Variants in DYNC1I1 observed in about 807,000 individuals in gnomAD.
DYNC1I1 encodes cytoplasmic dynein 1 intermediate chain 1.
In DYNC1I1, 43 loss-of-function variants were observed where a neutral mutation model predicts 86.6. The observed-to-expected ratio is 0.50, with a 90% CI of 0.39 to 0.64. The LOEUF (loss-of-function observed/expected upper bound fraction) is 0.64. DYNC1I1 is among the 30% of genes least tolerant of loss of function. The pLI is 0.00. For missense variants in DYNC1I1, 604 were observed against 788.8 expected (o/e 0.77, Z 2.81); for synonymous variants, 262 against 283.7 (o/e 0.92, Z 0.77).
chr7:95,799,187 G>C (rs1794517734), intron 1 of DYNC1I1, among the ~76,000 whole-genome samples: 1 of 152,088 alleles, frequency 6.6e-6, no homozygotes, highest in South Asian at 2.1e-4. Context: ...AGACCAGCCT[G>C]GCCAACATGG....
rs753791899 is a variant in DYNC1I1, at chr7:96,061,710, T to TCA, written c.1510-14346_1510-14345insAC. On this transcript the variant is annotated intron_variant, in intron 14 of 16. Coordinates refer to ENST00000447467, the MANE Select transcript of DYNC1I1 (RefSeq NM_001135556.2). ...CCCTCCCTCCCTCTCTCTCTCTCTC[T>TCA]CTCACACACACACACACACACACAC... is the stretch of plus-strand genomic sequence containing the variant. 7.7e-3 allele frequency among the ~76,000 whole-genome samples: 863 copies of TCA among 112,610 alleles called. 4 individuals are homozygous for TCA. Among genetic ancestry groups the TCA allele is most frequent in the East Asian group, 0.022 (78 of 3,516 alleles). 73.9% of individuals were successfully genotyped at this position (112,610 alleles called of 152,430 possible).
Position 96,035,609 on chromosome 7 carries a change from GT to G in DYNC1I1, c.1231-6del. The G allele has an allele frequency of 6.4e-7, 1 of 1,568,352 alleles. No homozygotes were observed. Among genetic ancestry groups the G allele is most frequent in the African/African-American group, 1.4e-5 (1 of 72,570 alleles). On this transcript the variant is annotated splice_polypyrimidine_tract_variant and intron_variant, in intron 12 of 16. Coordinates refer to ENST00000447467, the MANE Select transcript of DYNC1I1 (RefSeq NM_001135556.2). The stretch of plus-strand genomic sequence containing the variant: ...ACAGATGGAAATGTAACCACACCGT[GT>G]TTTGGTAGGAGAGCATGGAGCTGGT...
chr7:96,009,865 C>T (rs923712235), intron 10 of DYNC1I1, among the ~76,000 whole-genome samples: 6 of 151,896 alleles, frequency 4.0e-5, no homozygotes, highest in Non-Finnish European at 5.9e-5. Context: ...CCACAACCTC[C>T]GCCTCTCGGG....
intron 1 of DYNC1I1, among the ~76,000 whole-genome samples, chr7:95,799,764 T>C (rs2115768331): frequency 6.6e-6 from 1 of 152,186 alleles, no homozygotes; most frequent in African/African-American, 2.4e-5. Context: ...CAGATTGGAT[T>C]TCCTTACTTT....
In DYNC1I1 at chr7:95,932,408, C is replaced by T. The variant is rs1283548665; in HGVS notation, c.491-45104C>T. On this transcript the variant is annotated intron_variant, in intron 6 of 16. Transcript: ENST00000447467. Reference sequence around the variant, plus strand: ...CAGGGACTTCAAACATGACAGTGGGCATTATTCAGAATGGACATTTTATGC... The same window carrying T: ...CAGGGACTTCAAACATGACAGTGGGTATTATTCAGAATGGACATTTTATGC... Among the ~76,000 whole-genome samples, 4 of 152,090 alleles carry T rather than the reference C, an allele frequency of 2.6e-5. No homozygotes were observed. In the East Asian group the frequency reaches 7.7e-4, roughly 29 times the overall value.
intron 6 of DYNC1I1, among the ~76,000 whole-genome samples, chr7:95,875,640 T>A (rs1372604887): frequency 1.3e-5 from 2 of 152,120 alleles, no homozygotes; most frequent in Admixed American, 1.3e-4. Context: ...ATGGCCTTGG[T>A]GGAGATAGGG....
At chr7:95,905,840 C>A (rs1405926749) in intron 6 of DYNC1I1, among the ~76,000 whole-genome samples, 2 of 152,092 alleles carry the variant, frequency 1.3e-5, no homozygotes, top group Non-Finnish European at 2.9e-5. Flanking sequence ...ATAAAAGTAG[C>A]TCTCTCTCAT....
intron 3 of DYNC1I1, 139 bp downstream of exon 3, chr7:95,810,645 G>T: frequency 1.4e-6 from 1 of 713,850 alleles, no homozygotes; most frequent in Non-Finnish European, 2.1e-6. Flanking sequence ...TTATGGTTCA[G>T]GTTGCATGTG....
intron 5 of DYNC1I1, among the ~76,000 whole-genome samples, chr7:95,853,684 T>C (rs1484005457): frequency 6.6e-6 from 1 of 152,204 alleles, no homozygotes; most frequent in African/African-American, 2.4e-5. Flanking sequence ...ATTTGGTCTA[T>C]TGTGTAATTT....
intron 5 of DYNC1I1, among the ~76,000 whole-genome samples, chr7:95,838,749 C>T (rs1213640955): frequency 6.6e-6 from 1 of 151,774 alleles, no homozygotes; most frequent in Non-Finnish European, 1.5e-5. Flanking sequence ...AGATTTTTCA[C>T]CTTGGTTAAA....
intron 1 of DYNC1I1, 124 bp from the exon 2 acceptor site, chr7:95,804,597 C>T: frequency 9.0e-7 from 1 of 1,113,220 alleles, no homozygotes; most frequent in Non-Finnish European, 1.2e-6. Context: ...CTAAATAATA[C>T]AACCTCTTGT....
intron 10 of DYNC1I1, among the ~76,000 whole-genome samples, chr7:96,025,664 T>C (rs932724237): frequency 2.6e-5 from 4 of 152,138 alleles, no homozygotes; most frequent in Admixed American, 2.6e-4. Context: ...GTGGTAAGTG[T>C]TGGATGAATG....
intron 12 of DYNC1I1, among the ~76,000 whole-genome samples, chr7:96,033,888 T>C (rs937816349): frequency 6.6e-6 from 1 of 152,092 alleles, no homozygotes; most frequent in Non-Finnish European, 1.5e-5. Flanking sequence ...CACATGTCTG[T>C]AGTCCATGTT....
chr7:95,798,287 C>T (rs533665605), intron 1 of DYNC1I1, among the ~76,000 whole-genome samples: 14 of 151,898 alleles, frequency 9.2e-5, no homozygotes, highest in African/African-American at 3.1e-4. Flanking sequence ...AGAAAATAAC[C>T]CTCCTTTCAC....
chr7:95,906,022 G>A (rs945035967), intron 6 of DYNC1I1, among the ~76,000 whole-genome samples: 22 of 152,314 alleles, frequency 1.4e-4, no homozygotes, highest in African/African-American at 4.1e-4. Flanking sequence ...AGGACCCAGT[G>A]AGGATGCACT....
At chr7:95,834,673 T>G (rs2115968340) in intron 5 of DYNC1I1, among the ~76,000 whole-genome samples, 1 of 133,714 alleles carries the variant, frequency 7.5e-6, no homozygotes, top group African/African-American at 2.9e-5. Flanking sequence ...TATTCAGAGA[T>G]TCAACTTCTT....
chr7:95,925,573 G>A (rs1346909070), intron 6 of DYNC1I1, among the ~76,000 whole-genome samples: 2 of 152,192 alleles, frequency 1.3e-5, no homozygotes, highest in Non-Finnish European at 1.5e-5. Context: ...TTGCGGGCAT[G>A]AGTCTGTCTA....
chr7:96,016,882 G>A (rs1383619772), intron 10 of DYNC1I1, among the ~76,000 whole-genome samples: 10 of 152,158 alleles, frequency 6.6e-5, no homozygotes, highest in South Asian at 2.1e-4. Context: ...TGATGTCAAT[G>A]TACAGCAGTC....
chr7:95,860,067 T>G lies in DYNC1I1; in HGVS notation c.375-9816T>G, dbSNP rs1789836031. ...GCTCCATTGTTTTCCTTAGCTCTTATGAAGGTATTTTCATGCACGGTTATT... is the reference window on the plus strand; with the variant it reads ...GCTCCATTGTTTTCCTTAGCTCTTAGGAAGGTATTTTCATGCACGGTTATT... On this transcript the variant is annotated intron_variant, in intron 5 of 16. Transcript: ENST00000447467. Among the ~76,000 whole-genome samples the G allele has an allele frequency of 2.0e-5, 3 of 152,346 alleles. No homozygotes were observed. In the South Asian group the frequency reaches 6.2e-4, roughly 32 times the overall value.
Sources: allele counts gnomAD v4.1 joint callset (sites outside exome capture counted in the v4.1 genomes callset), GRCh38; gene constraint gnomAD v4.1.1; transcripts MANE v1.5; gene names NCBI Gene and HGNC (gene_info 2026-07-23, HGNC 2026-07-21).